MAF: variants seen among roughly 807,000 people sequenced by gnomAD.
MAF encodes the protein transcription factor Maf.
In MAF, 10 loss-of-function variants were observed where a neutral mutation model predicts 22.0. The ratio of observed to expected loss-of-function variants is 0.45; its 90% CI spans 0.28 to 0.77. MAF has a LOEUF of 0.77. Ranked by LOEUF, MAF falls within the 30% of genes least tolerant of loss-of-function variation. MAF has a pLI of 0.12. For synonymous variants in MAF, 337 were observed against 255.8 expected, an observed-to-expected ratio of 1.32 and a Z score of -3.03; for missense variants, 544 against 548.4, an observed-to-expected ratio of 0.99 and a Z score of 0.08.
the MAF span, among the ~76,000 whole-genome samples, chr16:79,325,508 T>A: frequency 6.6e-6 from 1 of 151,786 alleles, no homozygotes; most frequent in South Asian, 2.1e-4. Context: ...AAAGCAGGAT[T>A]TGAATGTGGA....
At chr16:79,426,469 C>T in the MAF span, among the ~76,000 whole-genome samples, 8 of 152,104 alleles carry the variant, frequency 5.3e-5, no homozygotes, top group Non-Finnish European at 1.0e-4. Flanking sequence ...TCTTACATAG[C>T]CCAGTCTCTA....
chr16:79,336,913 G>A, the MAF span, among the ~76,000 whole-genome samples: 1 of 152,174 alleles, frequency 6.6e-6, no homozygotes, highest in African/African-American at 2.4e-5. Context: ...AGTGCCTGGG[G>A]TGTACAAGAC....
chr16:79,381,509 GT>G, the MAF span, among the ~76,000 whole-genome samples: 1 of 152,160 alleles, frequency 6.6e-6, no homozygotes, highest in African/African-American at 2.4e-5. Context: ...GAGCGCTGTG[GT>G]TCTCTTTGGT....
At chr16:79,291,601 C>A in the MAF span, among the ~76,000 whole-genome samples, 1 of 151,282 alleles carries the variant, frequency 6.6e-6, no homozygotes, top group Non-Finnish European at 1.5e-5. Flanking sequence ...TTCTGTTTTC[C>A]AGACTCTACT....
At chr16:79,583,165 C>T (rs140261355), downstream of MAF, among the ~76,000 whole-genome samples, 292 of 152,270 alleles carry the variant, frequency 1.9e-3, no homozygotes, top group Non-Finnish European at 3.5e-3. Context: ...TGGATGATTA[C>T]GGGCAACACA....
the MAF span, among the ~76,000 whole-genome samples, chr16:79,541,499 T>C: frequency 1.9e-4 from 29 of 151,520 alleles, no homozygotes; most frequent in African/African-American, 6.3e-4. Flanking sequence ...AAATAATAAA[T>C]GCTGCTACAC....
the MAF span, among the ~76,000 whole-genome samples, chr16:79,437,468 C>T: frequency 3.3e-5 from 5 of 152,058 alleles, no homozygotes; most frequent in Admixed American, 2.0e-4. Flanking sequence ...GTCTCAACTT[C>T]ATTAAAGTCG....
At chr16:79,568,043 C>T in the MAF span, among the ~76,000 whole-genome samples, 8 of 152,106 alleles carry the variant, frequency 5.3e-5, no homozygotes, top group African/African-American at 1.7e-4. Context: ...ATCTTTAATT[C>T]ATTAATCACC....
chr16:79,596,203 G>A, intron 1 of MAF: 3 of 1,061,482 alleles, frequency 2.8e-6, no homozygotes, highest in Non-Finnish European at 3.4e-6. Context: ...GTTTTGTTTT[G>A]TTTTTCCTAC....
the MAF span, among the ~76,000 whole-genome samples, chr16:79,384,413 C>T: frequency 6.9e-6 from 1 of 144,740 alleles, no homozygotes; most frequent in Non-Finnish European, 1.5e-5. Context: ...CTACTGTATC[C>T]CAGCCTGGGC....
the MAF span, among the ~76,000 whole-genome samples, chr16:79,576,537 C>T: frequency 6.6e-6 from 1 of 151,424 alleles, no homozygotes; most frequent in Non-Finnish European, 1.5e-5. Flanking sequence ...ATTTATTTTT[C>T]AGGAGGAGTG....
At chr16:79,321,381 G>A in the MAF span, among the ~76,000 whole-genome samples, 1 of 152,236 alleles carries the variant, frequency 6.6e-6, no homozygotes, top group African/African-American at 2.4e-5. Context: ...AGCAAGTAAT[G>A]TCTAGTATGT....
At chr16:79,286,476 T>C in the MAF span, among the ~76,000 whole-genome samples, 1 of 152,234 alleles carries the variant, frequency 6.6e-6, no homozygotes, top group Admixed American at 6.5e-5. Context: ...TCTTGATACA[T>C]TTGGCAGTAT....
the MAF span, among the ~76,000 whole-genome samples, chr16:79,272,932 G>C: frequency 1.2e-4 from 18 of 152,120 alleles, no homozygotes. Flanking sequence ...ACTTAGAAGA[G>C]TTTATTTTGC....
At position 79,598,958 on chromosome 16, in the gene MAF, G is replaced by C. The variant is rs1913778498; in HGVS notation, c.945C>G (p.Val315=). ...CRFKRVQQRH[V]LESEKNQLLQ... is the part of the protein sequence containing the mutation. ...GCAGCTGGTTCTTCTCCGACTCCAGGACGTGTCTCTGCTGCACCCTCTTGA... is the reference window on the plus strand; with the variant it reads ...GCAGCTGGTTCTTCTCCGACTCCAGCACGTGTCTCTGCTGCACCCTCTTGA... Residue 315 remains valine (V), a synonymous_variant, in exon 1 of 2, where the codon GTC becomes GTG. Transcript: ENST00000326043. 2 of 1,613,630 alleles carry C rather than the reference G, an allele frequency of 1.2e-6. No individual in the cohort carries two copies. Among genetic ancestry groups the C allele is most frequent in the South Asian group, 2.2e-5 (2 of 91,054 alleles).
chr16:79,356,203 C>T, the MAF span, among the ~76,000 whole-genome samples: 61 of 152,256 alleles, frequency 4.0e-4, no homozygotes, highest in African/African-American at 1.5e-3. Context: ...CACACACATG[C>T]ACTCACACAC....
chr16:79,499,679 T>C, the MAF span, among the ~76,000 whole-genome samples: 2 of 152,198 alleles, frequency 1.3e-5, no homozygotes, highest in Non-Finnish European at 2.9e-5. Flanking sequence ...AACTAGGAAG[T>C]GGACCCTAAC....
At chr16:79,364,161 T>C in the MAF span, among the ~76,000 whole-genome samples, 45 of 152,202 alleles carry the variant, frequency 3.0e-4, no homozygotes, top group African/African-American at 8.7e-4. Flanking sequence ...AGCTTATACA[T>C]CCTGTAGGAG....
chr16:79,344,128 T>C, the MAF span, among the ~76,000 whole-genome samples: 2 of 152,166 alleles, frequency 1.3e-5, no homozygotes, highest in African/African-American at 4.8e-5. Context: ...TGGAAGCTGG[T>C]GTTTGCTACA....
Sources: allele counts gnomAD v4.1 joint callset (sites outside exome capture counted in the v4.1 genomes callset), GRCh38; gene constraint gnomAD v4.1.1; transcripts MANE v1.5; gene names NCBI Gene and HGNC (gene_info 2026-07-23, HGNC 2026-07-21).